Variants in ZKSCAN3 observed in about 807,000 individuals in gnomAD.
ZKSCAN3 encodes the protein zinc finger with KRAB and SCAN domains 3, also known as zinc finger protein with KRAB and SCAN domains 3.
Under a neutral mutation model 30.7 loss-of-function variants are expected in ZKSCAN3, and 21 were observed. The ratio of observed to expected loss-of-function variants is 0.68; its 90% CI spans 0.49 to 0.99. ZKSCAN3 has a LOEUF of 0.99. Among genes scored for constraint, ZKSCAN3 ranks in the 50% least tolerant of loss-of-function variants. The pLI, the probability that ZKSCAN3 is intolerant of heterozygous loss-of-function variation, is 0.00. For synonymous variants in ZKSCAN3, 201 were observed against 246.7 expected, an observed-to-expected ratio of 0.81 and a Z score of 1.73; for missense variants, 507 against 647.1, an observed-to-expected ratio of 0.78 and a Z score of 2.35.
intron 1 of ZKSCAN3, among the ~76,000 whole-genome samples, chr6:28,356,963 G>T (rs558922261): frequency 6.6e-6 from 1 of 152,236 alleles, no homozygotes; most frequent in African/African-American, 2.4e-5. Context: ...AGGTCCAAGG[G>T]GAGTGGGTGG....
At position 28,366,273 on chromosome 6, in the gene ZKSCAN3, C is replaced by T. The variant is rs754117245; in HGVS notation, c.1605C>T (p.Ile535=). 2.0e-6 allele frequency: 3 copies of T among 1,529,590 alleles called. No individual in the cohort carries two copies. The highest frequency in any genetic ancestry group is 2.6e-6 in the Non-Finnish European group (3 of 1,144,502). The allele number at this position is 1,529,590 out of a possible 1,614,324, so 94.8% of individuals were successfully genotyped here. ...QHQRSHVGKN[I]LSQ Reference sequence around the variant, plus strand: ...AGAGAAGCCATGTAGGGAAAAACATCCTATCACAGTGACCCATGCCATACA... The same window carrying T: ...AGAGAAGCCATGTAGGGAAAAACATTCTATCACAGTGACCCATGCCATACA... Residue 535 remains isoleucine (I), a synonymous_variant, in exon 6 of 6, where the codon ATC becomes ATT. Coordinates refer to ENST00000252211, the MANE Select transcript of ZKSCAN3 (RefSeq NM_024493.4).
rs557618845 is a variant in ZKSCAN3, at chr6:28,355,893, A to G, written c.-62-3632A>G. Among the ~76,000 whole-genome samples, 27 of 152,330 alleles carry G rather than the reference A, an allele frequency of 1.8e-4. No individual in the cohort carries two copies. In the South Asian group the frequency reaches 5.6e-3, roughly 32 times the overall value. ...TCCCAGTTCTGTTGTCAAGTGGCCT[A>G]TCAAATCCATGATAGACGGCACAGC... is the stretch of plus-strand genomic sequence containing the variant. On this transcript the variant is annotated intron_variant, in intron 1 of 5. Coordinates refer to ENST00000252211, the MANE Select transcript of ZKSCAN3 (RefSeq NM_024493.4).
rs1201380045 is a variant in ZKSCAN3, at chr6:28,361,362, C to G, written c.441C>G (p.Cys147Trp). 6.2e-7 allele frequency: 1 copy of G among 1,613,912 alleles called. No homozygotes were observed. The highest frequency in any genetic ancestry group is 1.3e-5 in the African/African-American group (1 of 75,032). ...GVDQGQELLC[C>W]KMALLTPAPG... ...ACCAGGGGCAAGAACTGCTCTGTTG[C>G]AAGATGGCACTATTGACACCAGCCC... The change falls in exon 3 of 6, where the codon TGC becomes TGG. Residue 147 changes from cysteine (C) to tryptophan (W), a missense_variant. Transcript: ENST00000252211.
rs1432610805 is a variant in ZKSCAN3 at position 28,363,185 on chromosome 6, TC to T, written c.551-116del. ...ATCACAGCTCATTGCAGCTTCAGAC[TC>T]CTGGGCTCAATCAAGTGAGACAGGA... On this transcript the variant is annotated intron_variant, in intron 3 of 5. Coordinates refer to ENST00000252211, the MANE Select transcript of ZKSCAN3 (RefSeq NM_024493.4). The T allele has an allele frequency of 3.4e-6, 3 of 873,824 alleles. No homozygotes were observed. The African/African-American group carries it at 5.1e-5, about 15-fold the overall frequency. 54.1% of individuals were successfully genotyped at this position (873,824 alleles called of 1,614,324 possible). A position where few individuals can be genotyped will look rare whatever the true frequency, so the allele number is the denominator to read the frequency against.
rs1766069770 is a variant in ZKSCAN3, at chr6:28,368,695, A to G, written c.*2410A>G. On this transcript the variant is annotated 3_prime_UTR_variant, in exon 6 of 6. Transcript: ENST00000252211. Reference sequence around the variant, plus strand: ...AAATGAACAATGCAGCAAGGGCTTCAGTCGCAGCTCAGGTCTTATCAAACA... The same window carrying G: ...AAATGAACAATGCAGCAAGGGCTTCGGTCGCAGCTCAGGTCTTATCAAACA... 6.4e-6 allele frequency: 1 copy of G among 155,278 alleles called. No individual in the cohort carries two copies. The highest frequency in any genetic ancestry group is 2.4e-5 in the African/African-American group (1 of 41,542). 9.6% of individuals were successfully genotyped at this position (155,278 alleles called of 1,614,324 possible).
chr6:28,361,784 T>C (rs1366059860), intron 3 of ZKSCAN3, among the ~76,000 whole-genome samples: 2 of 151,732 alleles, frequency 1.3e-5, no homozygotes, highest in Non-Finnish European at 2.9e-5. Context: ...GTCTTGTTGT[T>C]TCACCCAGGC....
chr6:28,360,060 G>A, intron 2 of ZKSCAN3, 72 bp downstream of exon 2: 1 of 1,611,846 alleles, frequency 6.2e-7, no homozygotes, highest in Non-Finnish European at 8.5e-7. Context: ...AGAGTGAGGG[G>A]CATTCCTTTA....
intron 1 of ZKSCAN3, chr6:28,353,461 C>T (rs926564547): frequency 1.2e-5 from 2 of 161,444 alleles, no homozygotes; most frequent in African/African-American, 4.8e-5. Context: ...GGCTCTCTTT[C>T]AGAATATCTT....
chr6:28,359,054 A>T (rs1422637793), intron 1 of ZKSCAN3, among the ~76,000 whole-genome samples: 1 of 152,082 alleles, frequency 6.6e-6, no homozygotes, highest in Non-Finnish European at 1.5e-5. Context: ...CTCTGAGAGG[A>T]ATCTACTTAT....
chr6:28,363,956 C>A, intron 5 of ZKSCAN3, 141 bp downstream of exon 5: 1 of 1,082,862 alleles, frequency 9.2e-7, no homozygotes, highest in Non-Finnish European at 1.3e-6. Context: ...AACTGACTAG[C>A]TCCTTACCCT....
Position 28,359,968 on chromosome 6 carries a change from C to T in ZKSCAN3, c.382C>T (p.Leu128=). ...VVLLEYLERQ[L]DEPAPQVSGV... ...GCTATTGGAGTATTTGGAGAGGCAG[C>T]TGGATGAGCCGGCGCCGCAGGTAGA... The change falls in exon 2 of 6, where the codon CTG becomes TTG. Residue 128 remains leucine (L), a synonymous_variant. Coordinates refer to ENST00000252211, the MANE Select transcript of ZKSCAN3 (RefSeq NM_024493.4). 1 of 1,614,126 alleles carries T rather than the reference C, an allele frequency of 6.2e-7. No individual in the cohort carries two copies. The highest frequency in any genetic ancestry group is 8.5e-7 in the Non-Finnish European group (1 of 1,180,020).
At chr6:28,354,056 A>G (rs897609713) in intron 1 of ZKSCAN3, 1 of 421,316 alleles carries the variant, frequency 2.4e-6, no homozygotes, top group Admixed American at 2.5e-5. Context: ...CCTTCTCAGC[A>G]AACGGCTCTG....
Position 28,359,765 on chromosome 6 carries a change from C to G in ZKSCAN3, c.179C>G (p.Pro60Arg). 4 of 1,614,176 alleles carry G rather than the reference C, an allele frequency of 2.5e-6. No homozygotes were observed. Among genetic ancestry groups the G allele is most frequent in the Non-Finnish European group, 2.5e-6 (3 of 1,180,034 alleles). ...TTCCGCTACCCGGAGGCTGCAGGCCCCCGCGAGGCGCTGAGTCGGCTCCGA... is the reference window on the plus strand; with the variant it reads ...TTCCGCTACCCGGAGGCTGCAGGCCGCCGCGAGGCGCTGAGTCGGCTCCGA... Reference protein sequence around the residue: ...RGFRYPEAAGPREALSRLREL... With the variant: ...RGFRYPEAAGRREALSRLREL... Residue 60 changes from proline to arginine, a missense_variant, in exon 2 of 6, where the codon CCC becomes CGC. By Grantham distance (103) the Pro-to-Arg change is moderately radical. Coordinates refer to ENST00000252211, the MANE Select transcript of ZKSCAN3 (RefSeq NM_024493.4).
intron 1 of ZKSCAN3, among the ~76,000 whole-genome samples, chr6:28,354,795 C>T (rs1032695446): frequency 1.3e-5 from 2 of 152,232 alleles, no homozygotes; most frequent in Non-Finnish European, 2.9e-5. Context: ...CATCCTTTCT[C>T]TCATAGATCT....
chr6:28,358,944 T>A, intron 1 of ZKSCAN3, among the ~76,000 whole-genome samples: 1 of 149,718 alleles, frequency 6.7e-6, no homozygotes. Flanking sequence ...TTGTTCCAGT[T>A]CTATAGGTCA....
In ZKSCAN3 at chr6:28,351,943, T is replaced by C. The variant is rs1303441012; in HGVS notation, c.-63+1876T>C. Among the ~76,000 whole-genome samples the C allele has an allele frequency of 2.0e-5, 3 of 152,124 alleles. No homozygotes were observed. Among genetic ancestry groups the C allele is most frequent in the African/African-American group, 7.2e-5 (3 of 41,432 alleles). On this transcript the variant is annotated intron_variant, in intron 1 of 5. Coordinates refer to ENST00000252211, the MANE Select transcript of ZKSCAN3 (RefSeq NM_024493.4). This position sits in a 1 kb window ranked among gnomAD's most constrained non-coding sequence, Gnocchi z 4.6. ...ATTGACAATAATTCCTTGATATCAT[T>C]ATCTTGATTTTCAAATAATTGTCTC...
At chr6:28,358,136 C>A (rs1765548095) in intron 1 of ZKSCAN3, among the ~76,000 whole-genome samples, 1 of 152,176 alleles carries the variant, frequency 6.6e-6, no homozygotes, top group African/African-American at 2.4e-5. Flanking sequence ...ATGCTCAAGT[C>A]TTACATAAAA....
At chr6:28,350,640 T>C (rs1764938178) in intron 1 of ZKSCAN3, among the ~76,000 whole-genome samples, 2 of 152,224 alleles carry the variant, frequency 1.3e-5, no homozygotes, top group Non-Finnish European at 2.9e-5. Context: ...TTTAAAGATT[T>C]GCTTTTATTA....
Position 28,351,091 on chromosome 6 carries a change from T to C in ZKSCAN3, c.-63+1024T>C, listed in dbSNP as rs1209517749. ...AACTTTTACAGGGTTAGCTCTTTCA[T>C]AGACTTGTAACTCTTTTCTGTTAAT... On this transcript the variant is annotated intron_variant, in intron 1 of 5. Coordinates refer to ENST00000252211, the MANE Select transcript of ZKSCAN3 (RefSeq NM_024493.4). The surrounding 1 kb of genome is among the most constrained non-coding windows in gnomAD (Gnocchi z 4.6). 6.6e-6 allele frequency among the ~76,000 whole-genome samples: 1 copy of C among 152,212 alleles called. No individual in the cohort carries two copies. Among genetic ancestry groups the C allele is most frequent in the Non-Finnish European group, 1.5e-5 (1 of 68,038 alleles).
Sources: allele counts gnomAD v4.1 joint callset (sites outside exome capture counted in the v4.1 genomes callset), GRCh38; gene constraint gnomAD v4.1.1; non-coding constraint Gnocchi (gnomAD v3.1); transcripts MANE v1.5; gene names NCBI Gene and HGNC (gene_info 2026-07-23, HGNC 2026-07-21).